The following NLGN1 variants were observed in gnomAD, a reference collection of about 807,000 sequenced individuals.
NLGN1 encodes neuroligin-1.
In NLGN1, 12 loss-of-function variants were observed where a neutral mutation model predicts 65.5. The ratio of observed to expected loss-of-function variants is 0.18; its 90% CI spans 0.12 to 0.30. The LOEUF (loss-of-function observed/expected upper bound fraction) is 0.30. Ranked by LOEUF, NLGN1 falls within the 10% of genes least tolerant of loss-of-function variation. The pLI is 1.00. For synonymous variants in NLGN1, 350 were observed against 359.5 expected, an observed-to-expected ratio of 0.97 and a Z score of 0.30; for missense variants, 750 against 1,007.1, an observed-to-expected ratio of 0.74 and a Z score of 3.46.
intron 4 of NLGN1, among the ~76,000 whole-genome samples, chr3:173,832,548 G>A (rs932865665): frequency 4.6e-5 from 7 of 152,120 alleles, no homozygotes; most frequent in East Asian, 1.9e-4. Flanking sequence ...AAACAAAAAG[G>A]TATGTATGAA....
chr3:174,106,796 A>G (rs1271001101), intron 4 of NLGN1, among the ~76,000 whole-genome samples: 1 of 152,050 alleles, frequency 6.6e-6, no homozygotes, highest in Non-Finnish European at 1.5e-5. Context: ...CCTAAGAACC[A>G]AGAGCTGTGA....
At chr3:173,611,085 A>G (rs750712608) in intron 3 of NLGN1, among the ~76,000 whole-genome samples, 1 of 152,006 alleles carries the variant, frequency 6.6e-6, no homozygotes, top group African/African-American at 2.4e-5. Flanking sequence ...GTTGCTATGC[A>G]CAGTACATGA....
chr3:174,255,351 C>A (rs924922029), intron 4 of NLGN1, among the ~76,000 whole-genome samples: 12 of 147,640 alleles, frequency 8.1e-5, no homozygotes, highest in African/African-American at 2.3e-4. Flanking sequence ...CAGGAGAAGG[C>A]CATGAACCTG....
At chr3:173,420,943 A>T (rs559304933) in intron 1 of NLGN1, among the ~76,000 whole-genome samples, 1 of 152,152 alleles carries the variant, frequency 6.6e-6, no homozygotes, top group Admixed American at 6.5e-5. Flanking sequence ...AATTTATTGT[A>T]TATTTCTAAT....
chr3:173,548,980 CATT>C (rs1179734135), intron 2 of NLGN1, among the ~76,000 whole-genome samples: 1 of 151,870 alleles, frequency 6.6e-6, no homozygotes, highest in African/African-American at 2.4e-5. Context: ...GTTTGAAAAA[CATT>C]GTTCTATTGT....
chr3:173,833,831 C>T (rs1723072988), intron 4 of NLGN1, among the ~76,000 whole-genome samples: 1 of 152,124 alleles, frequency 6.6e-6, no homozygotes, highest in Non-Finnish European at 1.5e-5. Flanking sequence ...ATGTTTTCTC[C>T]TATAGGAGTT....
At chr3:174,198,343 C>T (rs1399681631) in intron 4 of NLGN1, among the ~76,000 whole-genome samples, 1 of 152,038 alleles carries the variant, frequency 6.6e-6, no homozygotes, top group Admixed American at 6.6e-5. Context: ...GGATTTGAGC[C>T]CAGATACTCT....
Position 173,446,637 on chromosome 3 carries a change from G to C in NLGN1, c.-321+11559G>C, listed in dbSNP as rs931015412. ...CTAGTTCCAGATCCCTGAGGAATTG[G>C]CACACCAACTTCCACAATGGTTGAA... On this transcript the variant is annotated intron_variant, in intron 2 of 6. Transcript: ENST00000457714. Among the ~76,000 whole-genome samples the C allele has an allele frequency of 3.3e-5, 5 of 152,056 alleles. No individual in the cohort carries two copies. The East Asian group carries it at 7.7e-4, about 24-fold the overall frequency.
chr3:173,851,948 T>C (rs913854344), intron 4 of NLGN1, among the ~76,000 whole-genome samples: 14 of 152,228 alleles, frequency 9.2e-5, no homozygotes, highest in African/African-American at 2.9e-4. Flanking sequence ...TTTTTTTTTC[T>C]TTTTCATTAG....
intron 3 of NLGN1, among the ~76,000 whole-genome samples, chr3:173,770,472 CTTAA>C (rs1408971545): frequency 6.6e-6 from 1 of 152,170 alleles, no homozygotes; most frequent in Non-Finnish European, 1.5e-5. Context: ...CATATGGATA[CTTAA>C]TTACTTTGTT....
chr3:173,961,195 C>G (rs971853986), intron 4 of NLGN1, among the ~76,000 whole-genome samples: 1 of 151,912 alleles, frequency 6.6e-6, no homozygotes, highest in Non-Finnish European at 1.5e-5. Context: ...TATGTTTTTT[C>G]CAGCCCATCT....
chr3:173,969,655 G>C lies in NLGN1; in HGVS notation c.646+161823G>C, dbSNP rs377099276. Among the ~76,000 whole-genome samples, 7 of 152,178 alleles carry C rather than the reference G, an allele frequency of 4.6e-5. 1 individual carries two copies. The East Asian group carries it at 9.7e-4, about 21-fold the overall frequency. Reference sequence around the variant, plus strand: ...TAGTCAGTTCAGGGCTGGATTCTATGATGACTATCTGGAATGCCAATATTC... The same window carrying C: ...TAGTCAGTTCAGGGCTGGATTCTATCATGACTATCTGGAATGCCAATATTC... On this transcript the variant is annotated intron_variant, in intron 4 of 6. Coordinates refer to ENST00000457714, the Ensembl canonical transcript of NLGN1.
At chr3:173,899,207 G>A (rs894182671) in intron 4 of NLGN1, among the ~76,000 whole-genome samples, 1 of 151,818 alleles carries the variant, frequency 6.6e-6, no homozygotes, top group Non-Finnish European at 1.5e-5. Flanking sequence ...GAGGTTTTGG[G>A]GTAAATACAT....
intron 2 of NLGN1, among the ~76,000 whole-genome samples, chr3:173,494,805 T>G (rs1729739019): frequency 6.6e-6 from 1 of 151,884 alleles, no homozygotes. Context: ...TTGATCATTT[T>G]TTTATATTTG....
intron 4 of NLGN1, among the ~76,000 whole-genome samples, chr3:174,107,150 G>A (rs138068235): frequency 2.0e-5 from 3 of 151,874 alleles, no homozygotes; most frequent in Non-Finnish European, 4.4e-5. Flanking sequence ...GTTTCACAAT[G>A]ATAACGTATT....
At chr3:173,517,429 C>T in intron 2 of NLGN1, among the ~76,000 whole-genome samples, 1 of 152,070 alleles carries the variant, frequency 6.6e-6, no homozygotes, top group East Asian at 1.9e-4. Context: ...TCAGTACTCT[C>T]TCTTACTCCT....
At chr3:173,946,004 C>G (rs901635437) in intron 4 of NLGN1, among the ~76,000 whole-genome samples, 2 of 152,186 alleles carry the variant, frequency 1.3e-5, no homozygotes, top group African/African-American at 4.8e-5. Flanking sequence ...TAAACTGATG[C>G]TGAGCATATG....
chr3:173,739,231 A>T (rs1385248846), intron 3 of NLGN1, among the ~76,000 whole-genome samples: 1 of 152,096 alleles, frequency 6.6e-6, no homozygotes, highest in African/African-American at 2.4e-5. Flanking sequence ...AAAGGAGACC[A>T]CATTGTGGGG....
chr3:173,550,724 C>T (rs1740703595), intron 2 of NLGN1, among the ~76,000 whole-genome samples: 1 of 150,256 alleles, frequency 6.7e-6, no homozygotes, highest in Non-Finnish European at 1.5e-5. Context: ...TAGACAACTA[C>T]TTACTGAAGT....
Sources: allele counts gnomAD v4.1 joint callset (sites outside exome capture counted in the v4.1 genomes callset), GRCh38; gene constraint gnomAD v4.1.1; transcripts MANE v1.5; gene names NCBI Gene and HGNC (gene_info 2026-07-23, HGNC 2026-07-21).